Variants in TCERG1L observed in about 807,000 individuals in gnomAD.
The protein encoded by TCERG1L is transcription elongation regulator 1 like.
In TCERG1L, 37 loss-of-function variants were observed where a neutral mutation model predicts 56.3. The ratio of observed to expected loss-of-function variants is 0.66; its 90% CI spans 0.51 to 0.87. The LOEUF (loss-of-function observed/expected upper bound fraction) is 0.87. TCERG1L is among the 40% of genes least tolerant of loss of function. The pLI is 0.00. For synonymous variants in TCERG1L, 324 were observed against 326.3 expected, an observed-to-expected ratio of 0.99 and a Z score of 0.08; for missense variants, 799 against 774.2, an observed-to-expected ratio of 1.03 and a Z score of -0.38.
intron 3 of TCERG1L, among the ~76,000 whole-genome samples, chr10:131,278,235 C>T (rs1186145475): frequency 1.3e-5 from 2 of 152,092 alleles, no homozygotes; most frequent in African/African-American, 2.4e-5. Flanking sequence ...GGTTTCCTCA[C>T]CTGTAAAATG....
intron 4 of TCERG1L, among the ~76,000 whole-genome samples, chr10:131,194,932 C>T (rs1480365818): frequency 6.6e-6 from 1 of 152,190 alleles, no homozygotes; most frequent in Non-Finnish European, 1.5e-5. Flanking sequence ...GCAATAAATA[C>T]TGCTGGTAAG....
intron 4 of TCERG1L, among the ~76,000 whole-genome samples, chr10:131,249,278 T>C (rs1003000612): frequency 2.0e-5 from 3 of 152,232 alleles, no homozygotes; most frequent in East Asian, 1.9e-4. Context: ...AATATCACTG[T>C]TGAAGAAAAA....
At position 131,267,477 on chromosome 10, in the gene TCERG1L, G is replaced by A. The variant is rs984140792; in HGVS notation, c.671-7033C>T. Among the ~76,000 whole-genome samples, 6 of 152,230 alleles carry A rather than the reference G, an allele frequency of 3.9e-5. No homozygotes were observed. The highest frequency in any genetic ancestry group is 3.9e-4 in the Admixed American group (6 of 15,286). On this transcript the variant is annotated intron_variant, in intron 3 of 11. Coordinates refer to ENST00000368642, the MANE Select transcript of TCERG1L (RefSeq NM_174937.4). The surrounding 1 kb of genome is among the most constrained non-coding windows in gnomAD (Gnocchi z 4.9). ...GCTCCCACACTGCCAACTTGAGGGG[G>A]GTCATGGCTCCTGCCTGTCCCAGCT...
intron 3 of TCERG1L, among the ~76,000 whole-genome samples, chr10:131,299,371 CTTG>C (rs1026269641): frequency 6.6e-6 from 1 of 151,816 alleles, no homozygotes; most frequent in Non-Finnish European, 1.5e-5. Context: ...CCTTTGCTTT[CTTG>C]TTTTGTCTGC....
intron 4 of TCERG1L, among the ~76,000 whole-genome samples, chr10:131,244,173 G>A (rs771182230): frequency 1.8e-4 from 27 of 152,142 alleles, no homozygotes; most frequent in Non-Finnish European, 3.2e-4. Flanking sequence ...GAGGCTGCCC[G>A]TGGGGTGGAG....
In TCERG1L at chr10:131,279,190, A is replaced by T. The variant is rs369533730; in HGVS notation, c.671-18746T>A. On this transcript the variant is annotated intron_variant, in intron 3 of 11. Transcript: ENST00000368642. ...GGAAGGCCCCGATACAGTGCCTGGC[A>T]CACAACTCATCAGTCATTTTCCTTT... Among the ~76,000 whole-genome samples, 13 of 152,304 alleles carry T rather than the reference A, an allele frequency of 8.5e-5. No homozygotes were observed. In the East Asian group the frequency reaches 1.9e-3, roughly 23 times the overall value.
At position 131,146,314 on chromosome 10, in the gene TCERG1L, G is replaced by A. The variant is rs768819809; in HGVS notation, c.1189+192C>T. On this transcript the variant is annotated intron_variant, in intron 7 of 11. Transcript: ENST00000368642. ...TGCAAAAAGACAGCCAGAGCCGACCGCTTGGAAGGATCAAGGTTTCTGCAG... is the reference window on the plus strand; with the variant it reads ...TGCAAAAAGACAGCCAGAGCCGACCACTTGGAAGGATCAAGGTTTCTGCAG... 3.9e-5 allele frequency among the ~76,000 whole-genome samples: 6 copies of A among 152,178 alleles called. No individual in the cohort carries two copies. The South Asian group carries it at 8.3e-4, about 21-fold the overall frequency.
chr10:131,231,121 TCCAAGTGTACC>T (rs201280660), intron 4 of TCERG1L, among the ~76,000 whole-genome samples: 17,262 of 151,130 alleles, frequency 0.11, 1,231 homozygotes, highest in Middle Eastern at 0.2. Flanking sequence ...TGAATTGGCC[TCCAAGTGTACC>T]GAGTTCCAAG....
intron 7 of TCERG1L, among the ~76,000 whole-genome samples, chr10:131,137,838 G>A (rs554240507): frequency 3.3e-5 from 5 of 152,268 alleles, no homozygotes; most frequent in South Asian, 2.1e-4. Flanking sequence ...AGGGGTTGCC[G>A]TGCACAACGG....
chr10:131,124,502 T>C (rs932280728), intron 8 of TCERG1L, among the ~76,000 whole-genome samples: 5 of 152,358 alleles, frequency 3.3e-5, no homozygotes, highest in Admixed American at 3.3e-4. Context: ...AGTTCTACTC[T>C]CATTGAACAA....
At position 131,179,064 on chromosome 10, in the gene TCERG1L, G is replaced by A. The variant is rs986740984; in HGVS notation, c.857-12179C>T. Among the ~76,000 whole-genome samples, 7 of 152,282 alleles carry A rather than the reference G, an allele frequency of 4.6e-5. No individual in the cohort carries two copies. In the South Asian group the frequency reaches 1.0e-3, roughly 23 times the overall value. ...TGACAGCAGGGGAGGCTGAGCCCGCGTCGGCACCATGCTGGTGGAAGCCGG... is the reference window on the plus strand; with the variant it reads ...TGACAGCAGGGGAGGCTGAGCCCGCATCGGCACCATGCTGGTGGAAGCCGG... On this transcript the variant is annotated intron_variant, in intron 4 of 11. Coordinates refer to ENST00000368642, the MANE Select transcript of TCERG1L (RefSeq NM_174937.4).
intron 4 of TCERG1L, among the ~76,000 whole-genome samples, chr10:131,223,682 C>T (rs1453403475): frequency 1.5e-5 from 2 of 136,704 alleles, no homozygotes. Context: ...ACATGCTCAC[C>T]CTCACGCATA....
chr10:131,289,120 T>C (rs909560172), intron 3 of TCERG1L, among the ~76,000 whole-genome samples: 10 of 151,456 alleles, frequency 6.6e-5, no homozygotes, highest in Non-Finnish European at 1.3e-4. Context: ...AAAAACAGAT[T>C]GCTTCGCTAT....
rs752891930 is a variant in TCERG1L at position 131,093,309 on chromosome 10, A to G, written c.1614T>C (p.Phe538=). The change falls in exon 12 of 12, where the codon TTT becomes TTC. Residue 538 remains phenylalanine, a synonymous_variant. Transcript: ENST00000368642. ...GGCCGTATTTCTCTGCAAACTCCTT[A>G]AACGTGGTCCTGAAAAAGAAAGAGT... ...EESKVSPRTT[F]KEFAEKYGRD... 6.2e-7 allele frequency: 1 copy of G among 1,612,716 alleles called. No individual in the cohort carries two copies. The highest frequency in any genetic ancestry group is 1.3e-5 in the African/African-American group (1 of 74,760).
intron 10 of TCERG1L, among the ~76,000 whole-genome samples, chr10:131,099,880 T>A (rs573838821): frequency 6.6e-6 from 1 of 152,192 alleles, no homozygotes; most frequent in African/African-American, 2.4e-5. Context: ...TTCTTTTTTT[T>A]TGAGGCAGAG....
intron 4 of TCERG1L, among the ~76,000 whole-genome samples, chr10:131,171,727 C>T (rs1361489719): frequency 3.3e-5 from 5 of 152,196 alleles, no homozygotes; most frequent in African/African-American, 7.2e-5. Flanking sequence ...TGCGCCACCA[C>T]ACCTGGCTCA....
intron 3 of TCERG1L, among the ~76,000 whole-genome samples, chr10:131,278,257 C>T (rs995139264): frequency 4.6e-5 from 7 of 152,088 alleles, no homozygotes; most frequent in African/African-American, 1.2e-4. Context: ...GGCAGCGATG[C>T]TTCTAGAGTT....
chr10:131,115,260 C>A (rs1411495427), intron 9 of TCERG1L, among the ~76,000 whole-genome samples: 7 of 152,228 alleles, frequency 4.6e-5, no homozygotes, highest in African/African-American at 1.7e-4. Context: ...CCCGGCAGCA[C>A]CTCCCCTGGA....
chr10:131,136,856 C>T (rs1845680960), intron 7 of TCERG1L, among the ~76,000 whole-genome samples: 1 of 151,738 alleles, frequency 6.6e-6, no homozygotes, highest in Non-Finnish European at 1.5e-5. Context: ...AAACTGAGGG[C>T]ACTGGGCAGG....
Sources: allele counts gnomAD v4.1 joint callset (sites outside exome capture counted in the v4.1 genomes callset), GRCh38; gene constraint gnomAD v4.1.1; non-coding constraint Gnocchi (gnomAD v3.1); transcripts MANE v1.5; gene names NCBI Gene and HGNC (gene_info 2026-07-23, HGNC 2026-07-21).